The following CLIC4 variants were observed in gnomAD, a reference collection of about 807,000 sequenced individuals.
CLIC4 encodes CLIC family member 4.
A neutral mutation model predicts 24.6 loss-of-function variants in CLIC4; 13 were observed. The observed-to-expected ratio is 0.53, with a 90% CI of 0.34 to 0.84. The LOEUF is 0.84. Ranked by LOEUF, CLIC4 falls within the 40% of genes least tolerant of loss-of-function variation. The probability of loss-of-function intolerance (pLI) is 0.01; values close to 1 mark genes in which losing one functional copy is unlikely to be tolerated. For missense variants in CLIC4, 227 were observed against 301.7 expected (o/e 0.75, Z 1.83); for synonymous variants, 104 against 111.3 (o/e 0.93, Z 0.41).
chr1:24,823,589 A>C (rs773927459), intron 3 of CLIC4, among the ~76,000 whole-genome samples: 1 of 152,170 alleles, frequency 6.6e-6, no homozygotes, highest in South Asian at 2.1e-4. Context: ...CCTGACCAAC[A>C]TGGTGAAACC....
intron 1 of CLIC4, among the ~76,000 whole-genome samples, chr1:24,757,718 C>G (rs1382819087): frequency 6.6e-6 from 1 of 152,188 alleles, no homozygotes; most frequent in African/African-American, 2.4e-5. Flanking sequence ...GACCATAACA[C>G]ACACCCAAGA....
intron 1 of CLIC4, among the ~76,000 whole-genome samples, chr1:24,795,571 A>G (rs1357938332): frequency 6.6e-6 from 1 of 151,434 alleles, no homozygotes; most frequent in Non-Finnish European, 1.5e-5. Context: ...AGGATATAGG[A>G]TATTTATTTT....
intron 1 of CLIC4, among the ~76,000 whole-genome samples, chr1:24,748,375 G>T (rs1180141152): frequency 6.6e-6 from 1 of 151,676 alleles, no homozygotes; most frequent in Non-Finnish European, 1.5e-5. Flanking sequence ...TTGGTTGGGT[G>T]ACCCTAGGCA....
chr1:24,748,377 C>A (rs986767929), intron 1 of CLIC4, among the ~76,000 whole-genome samples: 2 of 151,804 alleles, frequency 1.3e-5, no homozygotes, highest in Admixed American at 6.6e-5. Context: ...GGTTGGGTGA[C>A]CCTAGGCAGT....
Position 24,750,412 on chromosome 1 carries a change from G to GTTTCTTTC in CLIC4, c.72+4807_72+4814dup, listed in dbSNP as rs545712230. Among the ~76,000 whole-genome samples the GTTTCTTTC allele has an allele frequency of 8.6e-3, 1,286 of 149,750 alleles. 21 individuals are homozygous for GTTTCTTTC. The highest frequency in any genetic ancestry group is 0.03 in the African/African-American group (1,219 of 40,462). ...GGGCATAAGGTCCCTTGTAATCTGG[G>GTTTCTTTC]TTTCTTTCTTTCTTTCTTTCTTTCT... On this transcript the variant is annotated intron_variant, in intron 1 of 5. Coordinates refer to ENST00000374379, the MANE Select transcript of CLIC4 (RefSeq NM_013943.3).
rs370799245 is a variant in CLIC4 at position 24,807,327 on chromosome 1, G to A, written c.183-6767G>A. 8.9e-4 allele frequency among the ~76,000 whole-genome samples: 135 copies of A among 151,286 alleles called. 3 individuals are homozygous for A. The South Asian group carries it at 0.025, about 28-fold the overall frequency. On this transcript the variant is annotated intron_variant, in intron 2 of 5. Transcript: ENST00000374379. Reference sequence around the variant, plus strand: ...CTGTTACAAATAAATTTTTGGTGCTGCAAAAGAAATAACACTTGAATATAA... The same window carrying A: ...CTGTTACAAATAAATTTTTGGTGCTACAAAAGAAATAACACTTGAATATAA...
At chr1:24,816,208 T>G (rs1192919358) in intron 3 of CLIC4, among the ~76,000 whole-genome samples, 1 of 142,358 alleles carries the variant, frequency 7.0e-6, no homozygotes, top group East Asian at 2.2e-4. Context: ...TATTTTGACC[T>G]CCTCCCATGA....
chr1:24,835,995 C>T (rs1639882191), intron 4 of CLIC4, among the ~76,000 whole-genome samples: 1 of 152,004 alleles, frequency 6.6e-6, no homozygotes, highest in Non-Finnish European at 1.5e-5. Context: ...ATGAAACACA[C>T]AAATACATAC....
chr1:24,828,210 G>C (rs1001170195), intron 4 of CLIC4, among the ~76,000 whole-genome samples: 5 of 152,022 alleles, frequency 3.3e-5, no homozygotes, highest in Non-Finnish European at 7.4e-5. Context: ...AATGTCTTTT[G>C]CTCTTGATTT....
intron 1 of CLIC4, among the ~76,000 whole-genome samples, chr1:24,770,566 T>A (rs1639058968): frequency 1.3e-5 from 2 of 152,098 alleles, no homozygotes; most frequent in Non-Finnish European, 2.9e-5. Context: ...AAAAAAAGAA[T>A]AAAAAAATTA....
chr1:24,820,267 C>CTTTTTTTTT (rs372726009), intron 3 of CLIC4, among the ~76,000 whole-genome samples: 16 of 49,772 alleles, frequency 3.2e-4, no homozygotes, highest in Non-Finnish European at 4.2e-4. Context: ...CCTTTTTGGT[C>CTTTTTTTTT]TTTTTTTTTT....
At chr1:24,748,499 G>GTTTTTTT (rs869153638) in intron 1 of CLIC4, among the ~76,000 whole-genome samples, 952 of 79,996 alleles carry the variant, frequency 0.012, 9 homozygotes, top group Middle Eastern at 0.031. Flanking sequence ...CAGGTTTTTT[G>GTTTTTTT]TTTTTTTTTT....
intron 2 of CLIC4, among the ~76,000 whole-genome samples, chr1:24,804,366 GTGTA>G (rs995879072): frequency 1.5e-5 from 2 of 136,386 alleles, no homozygotes; most frequent in Non-Finnish European, 3.1e-5. Context: ...TGGGGGGTGT[GTGTA>G]TGTGTGTGCA....
At position 24,805,468 on chromosome 1, in the gene CLIC4, TTTG is replaced by T. The variant is rs532588790; in HGVS notation, c.182+7629_182+7631del. Among the ~76,000 whole-genome samples, 4 of 152,286 alleles carry T rather than the reference TTTG, an allele frequency of 2.6e-5. No homozygotes were observed. In the South Asian group the frequency reaches 6.2e-4, roughly 24 times the overall value. The stretch of plus-strand genomic sequence containing the variant: ...TCTGGTGTTAACTTTTGTGAGGTTT[TTTG>T]TTGTTGTTGTTATATGTTTATATAG... On this transcript the variant is annotated intron_variant, in intron 2 of 5. Transcript: ENST00000374379.
intron 2 of CLIC4, among the ~76,000 whole-genome samples, chr1:24,805,491 A>G (rs969861261): frequency 6.6e-6 from 1 of 152,178 alleles, no homozygotes; most frequent in African/African-American, 2.4e-5. Flanking sequence ...TTATATGTTT[A>G]TATAGTGTCC....
At chr1:24,785,854 CAAA>C (rs61009244) in intron 1 of CLIC4, among the ~76,000 whole-genome samples, 7 of 58,866 alleles carry the variant, frequency 1.2e-4, no homozygotes, top group African/African-American at 4.0e-4. Context: ...GACTACAACT[CAAA>C]AAAAAAAAAA....
intron 1 of CLIC4, among the ~76,000 whole-genome samples, chr1:24,786,921 T>A (rs1366013075): frequency 6.6e-6 from 1 of 151,606 alleles, no homozygotes; most frequent in Non-Finnish European, 1.5e-5. Flanking sequence ...CCAGGCCAAT[T>A]TTTATTTTTA....
chr1:24,789,799 A>T (rs1292207823), intron 1 of CLIC4, among the ~76,000 whole-genome samples: 1 of 149,486 alleles, frequency 6.7e-6, no homozygotes. Flanking sequence ...TTTTTTGCTG[A>T]GGCTTTCTGT....
chr1:24,797,833 C>T lies in CLIC4; in HGVS notation c.164C>T (p.Thr55Met), dbSNP rs760073626. Residue 55 changes from threonine (T) to methionine (M), a missense_variant, in exon 2 of 6, where the codon ACG becomes ATG. Physicochemically the swap from Thr to Met is moderately conservative, Grantham distance 81. Coordinates refer to ENST00000374379, the MANE Select transcript of CLIC4 (RefSeq NM_013943.3). ...LWLKGVVFSVTTVDLKRKPAD... is the reference protein window; with the variant it reads ...LWLKGVVFSVMTVDLKRKPAD... ...CTCAAAGGAGTTGTATTTAGTGTGA[C>T]GACTGTTGACCTGAAAAGGTAAGAC... 9.3e-6 allele frequency: 15 copies of T among 1,611,580 alleles called. No homozygotes were observed. Among genetic ancestry groups the T allele is most frequent in the South Asian group, 8.8e-5 (8 of 90,646 alleles).
Sources: allele counts gnomAD v4.1 joint callset (sites outside exome capture counted in the v4.1 genomes callset), GRCh38; gene constraint gnomAD v4.1.1; transcripts MANE v1.5; gene names NCBI Gene and HGNC (gene_info 2026-07-23, HGNC 2026-07-21).